Variants in ERC2 observed in about 807,000 individuals in gnomAD.
ERC2 encodes the protein ERC protein 2.
In ERC2, 42 loss-of-function variants were observed where a neutral mutation model predicts 114.8. That is an observed-to-expected ratio of 0.37 (90% CI 0.29 to 0.47). The LOEUF (loss-of-function observed/expected upper bound fraction) is 0.47. Among genes scored for constraint, ERC2 ranks in the 20% least tolerant of loss-of-function variants. The probability of loss-of-function intolerance (pLI) is 0.99; values close to 1 mark genes in which losing one functional copy is unlikely to be tolerated. For missense variants in ERC2, 939 were observed against 1,150.7 expected (o/e 0.82, Z 2.66); for synonymous variants, 454 against 425.5 (o/e 1.07, Z -0.82).
chr3:55,848,246 C>T (rs371849190), intron 14 of ERC2, among the ~76,000 whole-genome samples: 36 of 152,328 alleles, frequency 2.4e-4, no homozygotes, highest in African/African-American at 8.7e-4. Context: ...CAAAGTCAAT[C>T]TGTTTCCATA....
chr3:56,140,998 T>G (rs1300843007), intron 5 of ERC2, among the ~76,000 whole-genome samples: 1 of 152,190 alleles, frequency 6.6e-6, no homozygotes, highest in Non-Finnish European at 1.5e-5. Context: ...CCCTCCAGCC[T>G]GGGTGACAGA....
intron 16 of ERC2, among the ~76,000 whole-genome samples, chr3:55,697,777 G>C (rs1159521916): frequency 2.0e-5 from 3 of 151,964 alleles, no homozygotes; most frequent in Admixed American, 6.6e-5. Context: ...GGGTTTGAGT[G>C]GGGGAACTCA....
chr3:55,916,518 T>G (rs2065102996), intron 13 of ERC2, among the ~76,000 whole-genome samples: 1 of 152,160 alleles, frequency 6.6e-6, no homozygotes, highest in Admixed American at 6.5e-5. Flanking sequence ...TGCGCTAGTA[T>G]AGTATCATCA....
intron 6 of ERC2, among the ~76,000 whole-genome samples, chr3:56,105,276 G>A (rs189006702): frequency 1.3e-5 from 2 of 152,178 alleles, no homozygotes; most frequent in East Asian, 3.9e-4. Flanking sequence ...GACTTTGGTT[G>A]ATATGGTCAC....
At chr3:55,671,458 G>A (rs1264125645) in intron 17 of ERC2, among the ~76,000 whole-genome samples, 1 of 152,134 alleles carries the variant, frequency 6.6e-6, no homozygotes, top group African/African-American at 2.4e-5. Flanking sequence ...CCTAACTTGG[G>A]ACAGTGGTGG....
At chr3:55,991,289 C>A (rs922172646) in intron 11 of ERC2, among the ~76,000 whole-genome samples, 8 of 152,154 alleles carry the variant, frequency 5.3e-5, no homozygotes, top group African/African-American at 1.9e-4. Context: ...ACAAATTCTG[C>A]CTTACTGCTG....
chr3:55,945,571 T>C (rs1254982043), intron 13 of ERC2, among the ~76,000 whole-genome samples: 4 of 152,230 alleles, frequency 2.6e-5, no homozygotes, highest in East Asian at 3.8e-4. Context: ...TTGAGGTTTA[T>C]GTTGTTTGTT....
chr3:55,856,761 A>C (rs1337000290), intron 14 of ERC2, among the ~76,000 whole-genome samples: 2 of 152,330 alleles, frequency 1.3e-5, no homozygotes, highest in South Asian at 4.1e-4. Context: ...AGAGCGGAAA[A>C]AATCCAAATG....
intron 2 of ERC2, among the ~76,000 whole-genome samples, chr3:56,405,199 C>T (rs186061429): frequency 1.3e-3 from 193 of 152,116 alleles, no homozygotes; most frequent in African/African-American, 4.2e-3. Flanking sequence ...ATCCCAGCAC[C>T]TTGGGAGGCT....
At chr3:55,734,709 C>T (rs2065513118) in intron 15 of ERC2, 62 bp downstream of exon 15, 15 of 1,548,258 alleles carry the variant, frequency 9.7e-6, no homozygotes, top group Non-Finnish European at 1.2e-5. Context: ...TGGCTAAAAT[C>T]CAGAGAAAGC....
chr3:55,963,077 G>A (rs563951836), intron 12 of ERC2, among the ~76,000 whole-genome samples: 24 of 152,336 alleles, frequency 1.6e-4, no homozygotes, highest in Admixed American at 1.4e-3. Flanking sequence ...AGGATGGAAG[G>A]TGAGAGCTCA....
chr3:55,823,705 T>C (rs961165086), intron 14 of ERC2, among the ~76,000 whole-genome samples: 7 of 152,142 alleles, frequency 4.6e-5, no homozygotes, highest in Admixed American at 3.3e-4. Context: ...ACTAAACTCA[T>C]TTTTTCTTCT....
chr3:56,049,629 C>A (rs142386897), intron 7 of ERC2, among the ~76,000 whole-genome samples: 1 of 152,092 alleles, frequency 6.6e-6, no homozygotes, highest in East Asian at 1.9e-4. Flanking sequence ...CATGAAAAGG[C>A]TAGATTTGCT....
intron 3 of ERC2, among the ~76,000 whole-genome samples, chr3:56,258,238 C>A (rs766858137): frequency 9.3e-5 from 14 of 149,812 alleles, no homozygotes; most frequent in Non-Finnish European, 2.1e-4. Context: ...CTGTAAAGGG[C>A]CAGATAATAA....
chr3:55,903,197 G>A (rs2064240283), intron 13 of ERC2, among the ~76,000 whole-genome samples: 1 of 152,062 alleles, frequency 6.6e-6, no homozygotes, highest in Non-Finnish European at 1.5e-5. Context: ...CATTTTCTAC[G>A]ATGTATGTCT....
intron 14 of ERC2, among the ~76,000 whole-genome samples, chr3:55,845,515 A>AAAAAG: frequency 6.6e-6 from 1 of 151,230 alleles, no homozygotes; most frequent in African/African-American, 2.4e-5. Flanking sequence ...AAAAAAAAAA[A>AAAAAG]AAAAAAAAAA....
At chr3:56,123,334 A>C (rs1209654463) in intron 6 of ERC2, among the ~76,000 whole-genome samples, 1 of 152,038 alleles carries the variant, frequency 6.6e-6, no homozygotes, top group African/African-American at 2.4e-5. Context: ...CCTTTCTTTC[A>C]TGTGAGGACA....
intron 2 of ERC2, among the ~76,000 whole-genome samples, chr3:56,302,340 A>C (rs1262703380): frequency 6.6e-6 from 1 of 152,160 alleles, no homozygotes; most frequent in African/African-American, 2.4e-5. Flanking sequence ...GACAAGGAGG[A>C]TGAGAGATAC....
At chr3:55,727,500 C>T (rs1232340414) in intron 15 of ERC2, among the ~76,000 whole-genome samples, 1 of 152,120 alleles carries the variant, frequency 6.6e-6, no homozygotes, top group Non-Finnish European at 1.5e-5. Context: ...ATTTGTACTG[C>T]TCTTTTACCT....
Sources: gnomAD v4.1 joint callset for allele counts (sites outside exome capture counted in the v4.1 genomes callset) on GRCh38, gnomAD v4.1.1 for gene constraint, MANE v1.5 for transcripts, NCBI Gene and HGNC (gene_info 2026-07-23, HGNC 2026-07-21) for gene names.